The following REEP5 variants were observed in gnomAD, a reference collection of about 807,000 sequenced individuals.
The protein encoded by REEP5 is receptor accessory protein 5.
In REEP5, 24 loss-of-function variants were observed where a neutral mutation model predicts 22.4. The ratio of observed to expected loss-of-function variants is 1.07; its 90% CI spans 0.78 to 1.51. The LOEUF (loss-of-function observed/expected upper bound fraction) is 1.51. REEP5 is among the 40% of genes most tolerant of loss of function. REEP5 has a pLI of 0.00. For missense variants in REEP5, 252 were observed against 233.0 expected (o/e 1.08, Z -0.53); for synonymous variants, 103 against 88.6 (o/e 1.16, Z -0.92).
At chr5:112,894,610 A>G (rs188333410) in intron 3 of REEP5, 45 of 152,330 alleles carry the variant, frequency 3.0e-4, no homozygotes, top group African/African-American at 8.4e-4. Context: ...GGGATGTGCT[A>G]TGTATTCCTG....
At chr5:112,879,554 G>A (rs1284442053) in intron 4 of REEP5, among the ~76,000 whole-genome samples, 1 of 152,032 alleles carries the variant, frequency 6.6e-6, no homozygotes, top group Non-Finnish European at 1.5e-5. Context: ...GCTCACTACA[G>A]GCTCTGCCTC....
chr5:112,899,406 G>C (rs574526385), intron 3 of REEP5, among the ~76,000 whole-genome samples: 2 of 152,174 alleles, frequency 1.3e-5, no homozygotes, highest in East Asian at 3.9e-4. Context: ...TGGCCTCCGA[G>C]TATGCTGGGA....
intron 3 of REEP5, among the ~76,000 whole-genome samples, chr5:112,889,895 C>T (rs539071854): frequency 6.7e-6 from 1 of 148,390 alleles, no homozygotes; most frequent in Admixed American, 6.7e-5. Context: ...GGCACAATAT[C>T]AGCTCACTGC....
At chr5:112,890,854 G>A (rs1041802870) in intron 3 of REEP5, among the ~76,000 whole-genome samples, 3 of 150,428 alleles carry the variant, frequency 2.0e-5, no homozygotes, top group African/African-American at 7.4e-5. Context: ...ACTTAAGTCT[G>A]GTTTTTCCTC....
intron 2 of REEP5, among the ~76,000 whole-genome samples, chr5:112,913,171 T>C (rs1425339428): frequency 6.6e-6 from 1 of 152,024 alleles, no homozygotes; most frequent in African/African-American, 2.4e-5. Flanking sequence ...GGCAGATGCC[T>C]GTAATCCCAG....
intron 2 of REEP5, among the ~76,000 whole-genome samples, chr5:112,909,650 T>C (rs759611334): frequency 1.3e-5 from 2 of 152,176 alleles, no homozygotes; most frequent in African/African-American, 2.4e-5. Flanking sequence ...ATTCTTTACA[T>C]TGGCATTGGA....
rs1305733655 is a variant in REEP5 at position 112,891,694 on chromosome 5, C to T, written c.352-4511G>A. ...CAAGAAGATGACATTTCCAGAGAAA[C>T]CAAGCCACAAAAAGTACAGGGCCGC... On this transcript the variant is annotated intron_variant, in intron 3 of 4. Transcript: ENST00000379638. 3.1e-6 allele frequency: 5 copies of T among 1,613,896 alleles called. No individual in the cohort carries two copies. The South Asian group carries it at 3.3e-5, about 11-fold the overall frequency.
intron 2 of REEP5, among the ~76,000 whole-genome samples, chr5:112,905,976 G>T (rs1313392035): frequency 6.6e-6 from 1 of 152,124 alleles, no homozygotes; most frequent in African/African-American, 2.4e-5. Context: ...AGATAAAAGT[G>T]ATTCTCCAAC....
At chr5:112,892,534 GGAC>G (rs774595746) in intron 3 of REEP5, 2 of 1,614,224 alleles carry the variant, frequency 1.2e-6, no homozygotes, top group South Asian at 2.2e-5. Flanking sequence ...ATGGTATGCA[GGAC>G]GACAGCTGCA....
intron 3 of REEP5, 75 bp downstream of exon 3, chr5:112,902,305 A>G (rs1768870119): frequency 7.1e-7 from 1 of 1,406,566 alleles, no homozygotes; most frequent in African/African-American, 1.5e-5. Flanking sequence ...CAGATGCACA[A>G]CATTCAAGCA....
intron 2 of REEP5, among the ~76,000 whole-genome samples, chr5:112,916,970 G>A (rs1769245528): frequency 6.6e-6 from 1 of 152,196 alleles, no homozygotes; most frequent in South Asian, 2.1e-4. Flanking sequence ...ACAGATTTCA[G>A]GAGTCATACA....
intron 2 of REEP5, among the ~76,000 whole-genome samples, chr5:112,904,721 A>G (rs1310962174): frequency 6.6e-6 from 1 of 152,238 alleles, no homozygotes; most frequent in Admixed American, 6.5e-5. Context: ...TATTTCCTGA[A>G]ACCATTCTGA....
At chr5:112,892,840 G>A (rs757038108) in intron 3 of REEP5, 19 of 1,613,372 alleles carry the variant, frequency 1.2e-5, no homozygotes, top group Admixed American at 8.3e-5. Context: ...TGGGGAATCC[G>A]AGAGAAAAAA....
intron 3 of REEP5, among the ~76,000 whole-genome samples, chr5:112,900,432 T>C (rs1002332525): frequency 2.6e-5 from 4 of 152,206 alleles, no homozygotes; most frequent in African/African-American, 9.7e-5. Flanking sequence ...TCTACTTTTT[T>C]CTAAAACAGA....
intron 3 of REEP5, chr5:112,892,545 G>A (rs947391859): frequency 2.5e-6 from 4 of 1,614,204 alleles, no homozygotes; most frequent in Non-Finnish European, 3.4e-6. Context: ...GACGACAGCT[G>A]CAATGTGAAT....
At chr5:112,891,727 A>G (rs745876385) in intron 3 of REEP5, 2 of 1,614,154 alleles carry the variant, frequency 1.2e-6, no homozygotes, top group Non-Finnish European at 8.5e-7. Context: ...CGCCCTGAAG[A>G]AGGAGAAACG....
chr5:112,886,332 C>T (rs1768243035), intron 4 of REEP5, among the ~76,000 whole-genome samples: 2 of 152,180 alleles, frequency 1.3e-5, no homozygotes. Context: ...TGAGGTTGTA[C>T]TTTTTCTAAA....
intron 4 of REEP5, among the ~76,000 whole-genome samples, chr5:112,886,728 A>G (rs532156826): frequency 4.7e-4 from 72 of 152,392 alleles, no homozygotes; most frequent in African/African-American, 9.9e-4. Context: ...ATGGACTTGC[A>G]TATCAATATA....
At chr5:112,915,938 G>A (rs1304674956) in intron 2 of REEP5, among the ~76,000 whole-genome samples, 1 of 145,368 alleles carries the variant, frequency 6.9e-6, no homozygotes. Context: ...ATGAGTCCAA[G>A]AAGAGAACTA....
Sources: allele counts gnomAD v4.1 joint callset (sites outside exome capture counted in the v4.1 genomes callset), GRCh38; gene constraint gnomAD v4.1.1; transcripts MANE v1.5; gene names NCBI Gene and HGNC (gene_info 2026-07-23, HGNC 2026-07-21).